The following KDM5C variants were observed in gnomAD, a reference collection of about 807,000 sequenced individuals.
The protein encoded by KDM5C is lysine-specific demethylase 5C.
Under a neutral mutation model 110.6 loss-of-function variants are expected in KDM5C, and 16 were observed. The observed-to-expected ratio is 0.14, with a 90% CI of 0.10 to 0.22. The LOEUF is 0.22. Among genes scored for constraint, KDM5C ranks in the 10% least tolerant of loss-of-function variants. The pLI is 1.00. For synonymous variants in KDM5C, 511 were observed against 520.4 expected (o/e 0.98, Z 0.24); for missense variants, 681 against 1,300.9 (o/e 0.52, Z 7.33).
intron 2 of KDM5C, chrX:53,218,653 G>A: frequency 2.2e-6 from 1 of 448,302 alleles, no homozygotes; most frequent in Non-Finnish European, 4.1e-6. Context: ...ACGGCTGACT[G>A]TAGACTTGAC....
intron 25 of KDM5C, among the ~76,000 whole-genome samples, chrX:53,181,141 T>G (rs189001081): frequency 0.025 from 2,697 of 109,552 alleles, 44 homozygotes; most frequent in African/African-American, 0.057. Flanking sequence ...ATATATTTTT[T>G]TTTGTTTGTT....
At chrX:53,185,519 G>A (rs1466343547) in intron 25 of KDM5C, among the ~76,000 whole-genome samples, 1 of 111,930 alleles carries the variant, frequency 8.9e-6, no homozygotes, top group Non-Finnish European at 1.9e-5. Flanking sequence ...ACCTTAACTA[G>A]TACATGAATG....
intron 3 of KDM5C, 127 bp downstream of exon 3, chrX:53,218,149 G>A: frequency 1.1e-6 from 1 of 921,305 alleles, no homozygotes. Flanking sequence ...ATGACAGCTT[G>A]TGTGCTACCA....
In KDM5C at chrX:53,183,262, CAAAAAAAAAA is replaced by C. The variant is rs3045214; in HGVS notation, c.4309-6650_4309-6641del. Among the ~76,000 whole-genome samples the C allele has an allele frequency of 2.1e-4, 9 of 43,539 alleles. No individual in the cohort carries two copies. In the East Asian group the frequency reaches 2.3e-3, roughly 11 times the overall value. The allele number at this position is 43,539 out of a possible 115,157, so 37.8% of individuals were successfully genotyped here. On this transcript the variant is annotated intron_variant, in intron 25 of 25. Transcript: ENST00000685641. Reference sequence around the variant, plus strand: ...GCAACAGAGTGAGACCCTGTCTCTACAAAAAAAAAAAAAAAAAAAAAAAATTAGCTGGGTG... The same window carrying C: ...GCAACAGAGTGAGACCCTGTCTCTACAAAAAAAAAAAAAATTAGCTGGGTG...
rs375850872 is a variant in KDM5C, at chrX:53,197,004, C to T, written c.2663G>A (p.Arg888His). The change falls in exon 19 of 26, where the codon CGT becomes CAT. Residue 888 changes from arginine to histidine, a missense_variant. Coordinates refer to ENST00000375401, the MANE Select transcript of KDM5C (RefSeq NM_004187.5). ...EQVEAYQAEA[R>H]EALASLPSSP... Reference sequence around the variant, plus strand: ...GGAGGGCAGTGAGGCCAGGGCCTCACGAGCCTCAGCCTGGTAGGCCTCCAC... The same window carrying T: ...GGAGGGCAGTGAGGCCAGGGCCTCATGAGCCTCAGCCTGGTAGGCCTCCAC... The T allele has an allele frequency of 5.0e-6, 6 of 1,192,098 alleles. No homozygotes were observed. Among genetic ancestry groups the T allele is most frequent in the South Asian group, 3.7e-5 (2 of 54,662 alleles).
intron 25 of KDM5C, among the ~76,000 whole-genome samples, chrX:53,176,971 G>A (rs782244293): frequency 5.4e-5 from 6 of 111,720 alleles, no homozygotes; most frequent in East Asian, 5.6e-4. Flanking sequence ...TATTTTGGTC[G>A]GGTGTGGTGG....
chrX:53,223,588 C>T (rs2073952169), intron 1 of KDM5C, among the ~76,000 whole-genome samples: 1 of 111,959 alleles, frequency 8.9e-6, no homozygotes, highest in Non-Finnish European at 1.9e-5. Context: ...AATTTCTGCC[C>T]TTGGAATCCC....
Position 53,216,105 on chromosome X carries a change from G to A in KDM5C, c.750C>T (p.Leu250=), listed in dbSNP as rs1556851754. 2 of 1,212,534 alleles carry A rather than the reference G, an allele frequency of 1.6e-6. No homozygotes were observed. The highest frequency in any genetic ancestry group is 2.2e-6 in the Non-Finnish European group (2 of 895,657). ...GAGPKMMGLG[L]MAKDKTLRKK... ...TCCGCAGAGTCTTGTCTTTGGCCAT[G>A]AGGCCCAGGCCCATCATCTTGGGGC... Residue 250 remains leucine, a synonymous_variant, in exon 6 of 26, where the codon CTC becomes CTT. Transcript: ENST00000375401.
chrX:53,205,741 A>G (rs782695743), intron 12 of KDM5C, among the ~76,000 whole-genome samples: 1 of 112,443 alleles, frequency 8.9e-6, no homozygotes, highest in East Asian at 2.8e-4. Context: ...TCAGCTATGC[A>G]TACACAAACG....
chrX:53,180,588 A>G (rs1556825584), intron 25 of KDM5C, among the ~76,000 whole-genome samples: 1 of 109,825 alleles, frequency 9.1e-6, no homozygotes. Flanking sequence ...AAAGAAATAG[A>G]GTCTCATTCT....
chrX:53,211,925 C>T lies in KDM5C; in HGVS notation c.1123-19G>A. 8.3e-7 allele frequency: 1 copy of T among 1,209,374 alleles called. No homozygotes were observed. Among genetic ancestry groups the T allele is most frequent in the Non-Finnish European group, 1.1e-6 (1 of 894,238 alleles). ...TACACTCCTGAAACCCAAAGGAGAA[C>T]ATGTCACCAAAACAGAGGCAAAGAG... On this transcript the variant is annotated intron_variant, in intron 8 of 25. Coordinates refer to ENST00000375401, the MANE Select transcript of KDM5C (RefSeq NM_004187.5).
intron 4 of KDM5C, 71 bp from the exon 5 acceptor site, chrX:53,217,348 C>A: frequency 8.7e-7 from 1 of 1,149,743 alleles, no homozygotes; most frequent in Non-Finnish European, 1.2e-6. Context: ...TCCCTCTACC[C>A]TCACCCAATG....
chrX:53,178,957 G>A (rs782163566), intron 25 of KDM5C, among the ~76,000 whole-genome samples: 2 of 111,210 alleles, frequency 1.8e-5, no homozygotes, highest in Non-Finnish European at 3.8e-5. Flanking sequence ...AATTAAATCC[G>A]GGGGTGGTGG....
chrX:53,182,490 C>T (rs35462380), intron 25 of KDM5C, among the ~76,000 whole-genome samples: 3,265 of 112,061 alleles, frequency 0.029, 45 homozygotes, highest in Middle Eastern at 0.065. Flanking sequence ...GCCTCAGCCT[C>T]CCAAGTAGCT....
At chrX:53,203,791 G>A (rs1442228821) in intron 12 of KDM5C, among the ~76,000 whole-genome samples, 2 of 106,846 alleles carry the variant, frequency 1.9e-5, no homozygotes, top group Non-Finnish European at 3.8e-5. Flanking sequence ...TTTTGACGCA[G>A]AGTCTCACTT....
In KDM5C at chrX:53,214,414, C is replaced by A. The variant is rs782193590; in HGVS notation, c.1122+275G>T. The stretch of plus-strand genomic sequence containing the variant: ...TCCTCTCCTCTGAACTTCTATATCT[C>A]AGAGTTTCTAACACACAATTTAGCC... On this transcript the variant is annotated intron_variant, in intron 8 of 25. Transcript: ENST00000375401. The A allele has an allele frequency of 1.1e-3, 371 of 339,217 alleles. 1 individual carries two copies. Among genetic ancestry groups the A allele is most frequent in the Non-Finnish European group, 1.7e-3 (323 of 194,626 alleles). 28.0% of individuals were successfully genotyped at this position (339,217 alleles called of 1,213,427 possible). A position where few individuals can be genotyped will look rare whatever the true frequency, so the allele number is the denominator to read the frequency against.
intron 25 of KDM5C, among the ~76,000 whole-genome samples, chrX:53,182,859 ATC>A (rs782267902): frequency 8.9e-6 from 1 of 112,200 alleles, no homozygotes; most frequent in African/African-American, 3.2e-5. Context: ...AGTCCAATTT[ATC>A]TGTTTTTTCT....
chrX:53,196,616 C>G, intron 19 of KDM5C, 70 bp downstream of exon 19: 4 of 919,659 alleles, frequency 4.3e-6, no homozygotes, highest in Non-Finnish European at 6.3e-6. Context: ...CATGGGCATC[C>G]TCTTCTGGGT....
downstream of KDM5C, among the ~76,000 whole-genome samples, chrX:53,186,387 T>C (rs782145204): frequency 3.6e-5 from 4 of 111,968 alleles, no homozygotes; most frequent in Non-Finnish European, 7.5e-5. Context: ...TGGCTGAGCA[T>C]AGGACTCCAA....
Sources: gnomAD v4.1 joint callset for allele counts (sites outside exome capture counted in the v4.1 genomes callset) on GRCh38, gnomAD v4.1.1 for gene constraint, MANE v1.5 for transcripts, NCBI Gene and HGNC (gene_info 2026-07-23, HGNC 2026-07-21) for gene names.